The following LRMDA variants were observed in gnomAD, a reference collection of about 807,000 sequenced individuals.
LRMDA encodes leucine-rich melanocyte differentiation-associated protein.
In LRMDA, 18 loss-of-function variants were observed where a neutral mutation model predicts 29.8. The observed-to-expected ratio is 0.60, with a 90% CI of 0.42 to 0.90. LRMDA has a LOEUF of 0.90. LRMDA is among the 40% of genes least tolerant of loss of function. The pLI, the probability that LRMDA is intolerant of heterozygous loss-of-function variation, is 0.00. For synonymous variants in LRMDA, 125 were observed against 109.4 expected (o/e 1.14, Z -0.89); for missense variants, 273 against 273.9 (o/e 1.00, Z 0.02).
intron 2 of LRMDA, among the ~76,000 whole-genome samples, chr10:75,689,370 G>A (rs1049193808): frequency 3.9e-5 from 6 of 152,228 alleles, no homozygotes; most frequent in Non-Finnish European, 7.3e-5. Context: ...GGATTCTTGA[G>A]AGGTGGCCAG....
chr10:76,197,557 C>T (rs1051139322), intron 5 of LRMDA, among the ~76,000 whole-genome samples: 3 of 152,076 alleles, frequency 2.0e-5, no homozygotes, highest in Admixed American at 1.3e-4. Flanking sequence ...GGGTAGAAGC[C>T]GTGGATATGG....
intron 5 of LRMDA, among the ~76,000 whole-genome samples, chr10:76,088,651 A>G (rs1339575283): frequency 6.6e-6 from 1 of 152,124 alleles, no homozygotes; most frequent in Non-Finnish European, 1.5e-5. Context: ...CCCATTCCTT[A>G]TGGGTTTGTT....
chr10:76,159,241 G>A (rs947682895), intron 5 of LRMDA, among the ~76,000 whole-genome samples: 1 of 152,260 alleles, frequency 6.6e-6, no homozygotes, highest in African/African-American at 2.4e-5. Flanking sequence ...TATGGACCAT[G>A]TTTGGACCCT....
chr10:76,071,762 A>T (rs919846098), intron 5 of LRMDA, among the ~76,000 whole-genome samples: 1 of 152,224 alleles, frequency 6.6e-6, no homozygotes, highest in Admixed American at 6.5e-5. Context: ...TTTGAAAGTG[A>T]TTTATGAGTG....
intron 2 of LRMDA, among the ~76,000 whole-genome samples, chr10:75,962,495 T>C (rs1409471379): frequency 6.6e-6 from 1 of 152,192 alleles, no homozygotes; most frequent in Non-Finnish European, 1.5e-5. Flanking sequence ...GTTTGAGACC[T>C]ACTGGACCAG....
At chr10:75,495,921 A>G (rs977190974) in intron 2 of LRMDA, among the ~76,000 whole-genome samples, 1 of 152,192 alleles carries the variant, frequency 6.6e-6, no homozygotes, top group Non-Finnish European at 1.5e-5. Flanking sequence ...AGGCAGGATG[A>G]TGTTGCAGAT....
At chr10:75,655,492 A>G (rs113785655) in intron 2 of LRMDA, among the ~76,000 whole-genome samples, 2 of 152,362 alleles carry the variant, frequency 1.3e-5, no homozygotes, top group East Asian at 1.9e-4. Context: ...CGCATGGTCT[A>G]TCCACATCTT....
chr10:75,675,238 A>G (rs905413762), intron 2 of LRMDA, among the ~76,000 whole-genome samples: 1 of 152,228 alleles, frequency 6.6e-6, no homozygotes, highest in Non-Finnish European at 1.5e-5. Flanking sequence ...TGGGAGTGGT[A>G]TTGTGTGAGC....
chr10:75,818,059 G>T (rs1453913284), intron 2 of LRMDA, among the ~76,000 whole-genome samples: 1 of 152,188 alleles, frequency 6.6e-6, no homozygotes, highest in African/African-American at 2.4e-5. Context: ...AACAAGATCT[G>T]GAGAAGTGAG....
chr10:76,423,928 C>G (rs1842096499), intron 6 of LRMDA, among the ~76,000 whole-genome samples: 2 of 152,150 alleles, frequency 1.3e-5, no homozygotes, highest in Admixed American at 6.5e-5. Context: ...CTCCTGACTT[C>G]TAGGCTGCGA....
intron 6 of LRMDA, among the ~76,000 whole-genome samples, chr10:76,348,066 T>C (rs1042237795): frequency 1.2e-4 from 19 of 152,118 alleles, no homozygotes; most frequent in Non-Finnish European, 2.6e-4. Context: ...ATTTTAGATA[T>C]GCTGAGCAGT....
chr10:75,611,717 A>G (rs1338799191), intron 2 of LRMDA, among the ~76,000 whole-genome samples: 2 of 152,186 alleles, frequency 1.3e-5, no homozygotes, highest in Non-Finnish European at 2.9e-5. Flanking sequence ...AAGTAGAGAA[A>G]TGTGCTCCCC....
intron 2 of LRMDA, among the ~76,000 whole-genome samples, chr10:75,470,030 C>A (rs1176325529): frequency 1.3e-5 from 2 of 152,194 alleles, no homozygotes; most frequent in Non-Finnish European, 2.9e-5. Flanking sequence ...GCACCTCTCC[C>A]CTTTAATAAT....
At chr10:76,125,763 C>A (rs1849870992) in intron 5 of LRMDA, among the ~76,000 whole-genome samples, 1 of 152,152 alleles carries the variant, frequency 6.6e-6, no homozygotes, top group Non-Finnish European at 1.5e-5. Flanking sequence ...AGCAAGCCAT[C>A]CCAAGATGAC....
chr10:75,855,701 T>A (rs1844813518), intron 2 of LRMDA, among the ~76,000 whole-genome samples: 1 of 152,254 alleles, frequency 6.6e-6, no homozygotes, highest in African/African-American at 2.4e-5. Context: ...GTTTTAAGTC[T>A]AACATTTAAG....
chr10:76,030,425 TTATC>T (rs571813654), intron 2 of LRMDA, among the ~76,000 whole-genome samples: 135 of 152,304 alleles, frequency 8.9e-4, no homozygotes, highest in African/African-American at 3.2e-3. Context: ...ATGTCTGTCT[TTATC>T]CATACATTTA....
chr10:76,010,354 C>T (rs1847755112), intron 2 of LRMDA, among the ~76,000 whole-genome samples: 1 of 151,116 alleles, frequency 6.6e-6, no homozygotes, highest in South Asian at 2.1e-4. Flanking sequence ...ACTCTGTCGC[C>T]CAGGCTGGAG....
intron 2 of LRMDA, among the ~76,000 whole-genome samples, chr10:75,443,915 G>A (rs984332221): frequency 2.0e-5 from 3 of 152,028 alleles, no homozygotes; most frequent in Non-Finnish European, 4.4e-5. Context: ...TGTATTTACT[G>A]CTTGCCAAGA....
chr10:76,284,426 G>A (rs1305210231), intron 5 of LRMDA, among the ~76,000 whole-genome samples: 3 of 152,266 alleles, frequency 2.0e-5, no homozygotes, highest in South Asian at 2.1e-4. Context: ...GCAAGGAAAC[G>A]TGTTCTCCCC....
Sources: gnomAD v4.1 joint callset for allele counts (sites outside exome capture counted in the v4.1 genomes callset) on GRCh38, gnomAD v4.1.1 for gene constraint, MANE v1.5 for transcripts, NCBI Gene and HGNC (gene_info 2026-07-23, HGNC 2026-07-21) for gene names.